Variants in NTRK3 observed in about 807,000 individuals in gnomAD.
NTRK3 encodes the protein NT-3 growth factor receptor.
NTRK3 carries 24 observed loss-of-function variants against 91.7 expected under a neutral mutation model. The observed-to-expected ratio is 0.26, with a 90% CI of 0.19 to 0.37. NTRK3 has a LOEUF of 0.37. Among genes scored for constraint, NTRK3 ranks in the 10% least tolerant of loss-of-function variants. NTRK3 has a pLI of 1.00. For missense variants in NTRK3, 880 were observed against 1,068.9 expected (o/e 0.82, Z 2.46); for synonymous variants, 483 against 404.0 (o/e 1.20, Z -2.34).
chr15:88,125,694 C>T (rs2053214942), intron 13 of NTRK3, among the ~76,000 whole-genome samples: 2 of 152,224 alleles, frequency 1.3e-5, no homozygotes, highest in African/African-American at 4.8e-5. Flanking sequence ...CCCACCACCC[C>T]ACCCTGCCAC....
At chr15:87,905,012 G>C (rs2066679761) in intron 17 of NTRK3, among the ~76,000 whole-genome samples, 1 of 152,106 alleles carries the variant, frequency 6.6e-6, no homozygotes, top group African/African-American at 2.4e-5. Context: ...CTAGACAAGG[G>C]TCCCTAAAAG....
At chr15:87,972,436 C>A (rs766814067) in intron 14 of NTRK3, among the ~76,000 whole-genome samples, 17 of 152,180 alleles carry the variant, frequency 1.1e-4, no homozygotes, top group Non-Finnish European at 2.2e-4. Flanking sequence ...CCTTGCTCTG[C>A]AAACCCTCTC....
rs150028012 is a variant in NTRK3, at chr15:87,998,916, T to C, written c.1585+33941A>G. On this transcript the variant is annotated intron_variant, in intron 14 of 18. Coordinates refer to ENST00000394480, the Ensembl canonical transcript of NTRK3. ...GGTAGGGAGTGTGGGGGGAGGAGGATTGCTGGCTGCAAAAGCCAACCAGTA... is the reference window on the plus strand; with the variant it reads ...GGTAGGGAGTGTGGGGGGAGGAGGACTGCTGGCTGCAAAAGCCAACCAGTA... Among the ~76,000 whole-genome samples the C allele has an allele frequency of 4.5e-4, 69 of 152,190 alleles. 2 individuals are homozygous for C. The highest frequency in any genetic ancestry group is 1.3e-3 in the African/African-American group (56 of 41,530).
intron 3 of NTRK3, among the ~76,000 whole-genome samples, chr15:88,200,426 T>C (rs992954574): frequency 1.4e-4 from 21 of 152,232 alleles, no homozygotes; most frequent in African/African-American, 5.1e-4. Flanking sequence ...ATGGTTTGGC[T>C]GTGCCCCCAC....
At chr15:88,163,987 T>C (rs151026028) in intron 5 of NTRK3, among the ~76,000 whole-genome samples, 2 of 152,350 alleles carry the variant, frequency 1.3e-5, no homozygotes, top group East Asian at 3.9e-4. Flanking sequence ...TTGTTTTCTC[T>C]ATCTTAAAAG....
At chr15:87,998,280 C>T (rs1411511665) in intron 14 of NTRK3, among the ~76,000 whole-genome samples, 2 of 152,206 alleles carry the variant, frequency 1.3e-5, no homozygotes, top group African/African-American at 4.8e-5. Context: ...AGAATCAGGA[C>T]CACTAATGCT....
chr15:87,946,764 C>G (rs1340121498), intron 14 of NTRK3, among the ~76,000 whole-genome samples: 1 of 152,084 alleles, frequency 6.6e-6, no homozygotes, highest in Admixed American at 6.5e-5. Flanking sequence ...GTTGTTATCC[C>G]TCTGTGCCCT....
intron 13 of NTRK3, among the ~76,000 whole-genome samples, chr15:88,090,207 T>C (rs1225387245): frequency 6.6e-6 from 1 of 152,210 alleles, no homozygotes; most frequent in Non-Finnish European, 1.5e-5. Context: ...CACTTATCAC[T>C]ACCTGCCATG....
exon 19 of NTRK3, chr15:87,863,692 C>T (rs1160010016): frequency 4.4e-6 from 1 of 226,626 alleles, no homozygotes; most frequent in Non-Finnish European, 8.8e-6. Flanking sequence ...AGATTGTAAA[C>T]AGATGCACCA....
At chr15:88,136,153 G>A (rs1385066985) in intron 8 of NTRK3, 113 bp from the exon 9 acceptor site, 7 of 1,380,396 alleles carry the variant, frequency 5.1e-6, no homozygotes, top group Non-Finnish European at 7.2e-6. Context: ...GAAGGCGAAG[G>A]AGATCTTTGT....
chr15:88,245,163 C>T (rs2052702945), intron 3 of NTRK3, among the ~76,000 whole-genome samples: 1 of 152,186 alleles, frequency 6.6e-6, no homozygotes, highest in South Asian at 2.1e-4. Context: ...TGTCCACATG[C>T]TAGTTCCCTC....
At chr15:88,055,328 CA>C (rs771835775) in intron 13 of NTRK3, among the ~76,000 whole-genome samples, 66 of 152,320 alleles carry the variant, frequency 4.3e-4, no homozygotes, top group Non-Finnish European at 5.3e-4. Flanking sequence ...CACATCCAAA[CA>C]GTGCCACTGG....
chr15:87,869,028 C>T (rs2141400802), exon 19 of NTRK3: 1 of 229,060 alleles, frequency 4.4e-6, no homozygotes, highest in Admixed American at 5.7e-5. Context: ...CCTTTTAAAC[C>T]ATTTCACTTT....
chr15:88,157,697 C>G (rs556797340), intron 5 of NTRK3, among the ~76,000 whole-genome samples: 2 of 152,254 alleles, frequency 1.3e-5, no homozygotes, highest in African/African-American at 4.8e-5. Flanking sequence ...ACGAGGGACG[C>G]CGAGACTGTG....
chr15:88,007,476 G>A (rs1323559321), intron 14 of NTRK3, among the ~76,000 whole-genome samples: 2 of 152,190 alleles, frequency 1.3e-5, no homozygotes, highest in African/African-American at 4.8e-5. Context: ...GGACACTCTG[G>A]AAAGAGTGAC....
In NTRK3 at chr15:88,244,873, T is replaced by G. The variant is rs537567969; in HGVS notation, c.248+11033A>C. Among the ~76,000 whole-genome samples, 24 of 152,300 alleles carry G rather than the reference T, an allele frequency of 1.6e-4. 1 individual carries two copies. The highest frequency in any genetic ancestry group is 1.4e-3 in the Admixed American group (21 of 15,300). ...AATGGGAAGCTATGTAAGGCAAGAA[T>G]AGCAATAAAACCACTTGGGACAACA... On this transcript the variant is annotated intron_variant, in intron 3 of 18. Transcript: ENST00000394480.
chr15:88,111,798 A>G (rs1014646620), intron 13 of NTRK3, among the ~76,000 whole-genome samples: 1 of 151,944 alleles, frequency 6.6e-6, no homozygotes, highest in Non-Finnish European at 1.5e-5. Flanking sequence ...TGGACTACTG[A>G]TTGTCATAAT....
chr15:87,952,423 G>A (rs1258519626), intron 14 of NTRK3, among the ~76,000 whole-genome samples: 1 of 152,130 alleles, frequency 6.6e-6, no homozygotes, highest in East Asian at 1.9e-4. Flanking sequence ...GGCTGCTCTG[G>A]TTGCCCCATT....
At chr15:88,151,293 T>G (rs1411869359) in intron 5 of NTRK3, among the ~76,000 whole-genome samples, 1 of 152,126 alleles carries the variant, frequency 6.6e-6, no homozygotes, top group Admixed American at 6.5e-5. Flanking sequence ...GACCAGACTC[T>G]GGGGTCCAGA....
Sources: allele counts gnomAD v4.1 joint callset (sites outside exome capture counted in the v4.1 genomes callset), GRCh38; gene constraint gnomAD v4.1.1; transcripts MANE v1.5; gene names NCBI Gene and HGNC (gene_info 2026-07-23, HGNC 2026-07-21).